SLC66A2: variants seen among roughly 807,000 people sequenced by gnomAD.
SLC66A2 encodes the protein solute carrier family 66 member 2, also known as PQ loop repeat containing 1.
In SLC66A2, 23 loss-of-function variants were observed where a neutral mutation model predicts 25.5. That is an observed-to-expected ratio of 0.90 (90% CI 0.65 to 1.28). SLC66A2 has a LOEUF of 1.28. SLC66A2 is among the 50% of genes most tolerant of loss of function. SLC66A2 has a pLI of 0.00. For synonymous variants in SLC66A2, 193 were observed against 166.5 expected (o/e 1.16, Z -1.23); for missense variants, 396 against 373.1 (o/e 1.06, Z -0.51).
chr18:79,950,790 G>T lies in SLC66A2; in HGVS notation c.137C>A (p.Ala46Asp), dbSNP rs1333416057. 6.2e-7 allele frequency: 1 copy of T among 1,613,084 alleles called. No homozygotes were observed. The highest frequency in any genetic ancestry group is 1.3e-5 in the African/African-American group (1 of 74,946). Residue 46 changes from alanine to aspartate, a missense_variant, in exon 2 of 6, where the codon GCC becomes GAC. Coordinates refer to ENST00000397778, the MANE Select transcript of SLC66A2 (RefSeq NM_025078.5). ...GCACACGTAGGTGGAGAAGCCGTCG[G>T]CGTTCTGCGTCCTGCGAATGTCCCG... is the stretch of plus-strand genomic sequence containing the variant. ...QYRDIRRTQN[A>D]DGFSTYVCLV... is the part of the protein sequence containing the mutation.
In SLC66A2 at chr18:79,940,810, G is replaced by T. The variant is rs769040332; in HGVS notation, c.337+2519C>A. Among the ~76,000 whole-genome samples, 1 of 152,182 alleles carries T rather than the reference G, an allele frequency of 6.6e-6. No individual in the cohort carries two copies. Among genetic ancestry groups the T allele is most frequent in the Admixed American group, 6.5e-5 (1 of 15,278 alleles). The stretch of plus-strand genomic sequence containing the variant: ...ACTCCAATATTAAGAGTGCTGCAGA[G>T]GTAAATCTTGAGAATTCTTTAACAC... On this transcript the variant is annotated intron_variant, in intron 3 of 5. Coordinates refer to ENST00000397778, the MANE Select transcript of SLC66A2 (RefSeq NM_025078.5). The surrounding 1 kb of genome is among the most constrained non-coding windows in gnomAD (Gnocchi z 4.1).
intron 4 of SLC66A2, among the ~76,000 whole-genome samples, chr18:79,929,617 G>T (rs973659093): frequency 6.6e-6 from 1 of 152,176 alleles, no homozygotes; most frequent in Admixed American, 6.5e-5. Flanking sequence ...AGAGGCACAG[G>T]TGTTGGACTC....
At chr18:79,922,563 A>T (rs1002745915) in intron 4 of SLC66A2, among the ~76,000 whole-genome samples, 11 of 152,084 alleles carry the variant, frequency 7.2e-5, no homozygotes, top group African/African-American at 2.7e-4. Context: ...GCACGATGTC[A>T]TTTGCTAGAT....
At chr18:79,934,400 A>G (rs1397418117) in intron 3 of SLC66A2, among the ~76,000 whole-genome samples, 3 of 152,254 alleles carry the variant, frequency 2.0e-5, no homozygotes, top group Non-Finnish European at 4.4e-5. Context: ...CTTTTCCTAG[A>G]AACTCATCTG....
intron 4 of SLC66A2, chr18:79,924,987 T>A (rs912104300): frequency 2.8e-4 from 43 of 152,002 alleles, no homozygotes; most frequent in African/African-American, 1.0e-3. Flanking sequence ...GGAAATGAGA[T>A]CTCTAAGTTC....
chr18:79,943,554 G>C (rs1987896105), intron 2 of SLC66A2, 92 bp from the exon 3 acceptor site: 1 of 1,485,482 alleles, frequency 6.7e-7, no homozygotes, highest in African/African-American at 1.4e-5. Flanking sequence ...GGTCAGGAGG[G>C]AGGCCCACCC....
Position 79,943,322 on chromosome 18 carries a change from C to T in SLC66A2, c.337+7G>A, listed in dbSNP as rs755036595. ...TGCGACTTTATTCCGAAGCGCCGGC[C>T]ACCAACCTGTAAAGGAGCGGCGCCT... On this transcript the variant is annotated splice_region_variant and intron_variant, in intron 3 of 5. Transcript: ENST00000397778. 148 of 1,613,470 alleles carry T rather than the reference C, an allele frequency of 9.2e-5. 1 individual carries two copies. The African/African-American group carries it at 1.7e-3, about 19-fold the overall frequency.
In SLC66A2 at chr18:79,903,632, C is replaced by G. The variant is rs1364434703; in HGVS notation, c.*344G>C. The G allele has an allele frequency of 3.1e-6, 1 of 324,708 alleles. No individual in the cohort carries two copies. Among genetic ancestry groups the G allele is most frequent in the Non-Finnish European group, 5.7e-6 (1 of 176,824 alleles). 20.1% of individuals were successfully genotyped at this position (324,708 alleles called of 1,614,324 possible). ...GGTTCGCGGCTGCTGGCCCGTGTGT[C>G]CACCTGGAGCAGGTTCCTGCAGGCC... On this transcript the variant is annotated 3_prime_UTR_variant, in exon 6 of 6. Coordinates refer to ENST00000397778, the MANE Select transcript of SLC66A2 (RefSeq NM_025078.5).
rs532958094 is a variant in SLC66A2, at chr18:79,905,918, A to G, written c.609-1735T>C. Among the ~76,000 whole-genome samples, 7 of 152,364 alleles carry G rather than the reference A, an allele frequency of 4.6e-5. No homozygotes were observed. The South Asian group carries it at 1.2e-3, about 27-fold the overall frequency. On this transcript the variant is annotated intron_variant, in intron 5 of 5. Coordinates refer to ENST00000397778, the MANE Select transcript of SLC66A2 (RefSeq NM_025078.5). Reference sequence around the variant, plus strand: ...ACACAATTTCTGGCTTCTCTGGAAAAAGAGCCTTTTCAGACTTTAGATTAT... The same window carrying G: ...ACACAATTTCTGGCTTCTCTGGAAAGAGAGCCTTTTCAGACTTTAGATTAT...
rs558272385 is a variant in SLC66A2, at chr18:79,950,900, G to A, written c.27C>T (p.Leu9=). The A allele has an allele frequency of 4.4e-6, 7 of 1,592,960 alleles. No individual in the cohort carries two copies. Among genetic ancestry groups the A allele is most frequent in the African/African-American group, 1.3e-5 (1 of 74,314 alleles). The change falls in exon 2 of 6, where the codon CTC becomes CTT. Residue 9 remains leucine, a synonymous_variant. Coordinates refer to ENST00000397778, the MANE Select transcript of SLC66A2 (RefSeq NM_025078.5). MEAEGLDW[L]LVPLHQLVSW... is the part of the protein sequence containing the mutation. ...ACACCAGCTGGTGCAGTGGCACCAG[G>A]AGCCAGTCCAGGCCCTCGGCCTCCA...
intron 3 of SLC66A2, among the ~76,000 whole-genome samples, chr18:79,939,619 G>A (rs778906952): frequency 2.6e-4 from 40 of 152,010 alleles, no homozygotes; most frequent in Admixed American, 9.8e-4. Flanking sequence ...GCCAACAAGC[G>A]TATGAAAAAA....
At chr18:79,930,576 C>T (rs1427300959) in intron 4 of SLC66A2, among the ~76,000 whole-genome samples, 1 of 152,152 alleles carries the variant, frequency 6.6e-6, no homozygotes. Flanking sequence ...TTCTCCTTTC[C>T]TCTCTTAGTT....
intron 4 of SLC66A2, among the ~76,000 whole-genome samples, chr18:79,922,375 G>A (rs1325068119): frequency 6.6e-6 from 1 of 151,486 alleles, no homozygotes; most frequent in Non-Finnish European, 1.5e-5. Flanking sequence ...TGGATCTGAC[G>A]CCTGGGTTAG....
chr18:79,925,585 TCA>T (rs1006912067), intron 4 of SLC66A2, among the ~76,000 whole-genome samples: 11 of 152,192 alleles, frequency 7.2e-5, no homozygotes, highest in African/African-American at 2.2e-4. Context: ...TGCCCTCAAC[TCA>T]CAGACAGATC....
intron 5 of SLC66A2, among the ~76,000 whole-genome samples, chr18:79,912,000 GGCAGCAGGGAGAGGACA>G (rs1302862045): frequency 6.4e-5 from 9 of 140,690 alleles, no homozygotes; most frequent in Middle Eastern, 4.1e-3. Context: ...GCAGAGGGGA[GGCAGCAGGGAGAGGACA>G]GCAGCAGGAA....
intron 5 of SLC66A2, among the ~76,000 whole-genome samples, chr18:79,905,870 A>AAC (rs751958644): frequency 3.9e-5 from 6 of 152,276 alleles, no homozygotes; most frequent in East Asian, 1.9e-4. Context: ...TAACTCTGTA[A>AAC]ACACACACAC....
rs1425130598 is a variant in SLC66A2 at position 79,927,177 on chromosome 18, T to C, written c.391+6792A>G. Among the ~76,000 whole-genome samples, 1 of 152,208 alleles carries C rather than the reference T, an allele frequency of 6.6e-6. No individual in the cohort carries two copies. The highest frequency in any genetic ancestry group is 1.5e-5 in the Non-Finnish European group (1 of 68,042). On this transcript the variant is annotated intron_variant, in intron 4 of 5. Transcript: ENST00000397778. The surrounding 1 kb of genome is among the most constrained non-coding windows in gnomAD (Gnocchi z 6.2). Reference sequence around the variant, plus strand: ...CAGCTGAGCAGGCAGAGCCTGTCCTTGGAAACGGCCCGGCCACCTGGGAGG... The same window carrying C: ...CAGCTGAGCAGGCAGAGCCTGTCCTCGGAAACGGCCCGGCCACCTGGGAGG...
At chr18:79,916,516 TG>T (rs1207486624) in intron 5 of SLC66A2, among the ~76,000 whole-genome samples, 5 of 152,236 alleles carry the variant, frequency 3.3e-5, no homozygotes, top group Admixed American at 2.6e-4. Context: ...CAGACCCTGC[TG>T]GGTTCACGTC....
In SLC66A2 at chr18:79,903,666, T is replaced by C; in HGVS notation, c.*310A>G. On this transcript the variant is annotated 3_prime_UTR_variant, in exon 6 of 6. Coordinates refer to ENST00000397778, the MANE Select transcript of SLC66A2 (RefSeq NM_025078.5). ...GCAGGTTCCTGCAGGCCGCCCAATG[T>C]GTACCTTGGGCTCAGACGGTGTTTC... 1 of 388,188 alleles carries C rather than the reference T, an allele frequency of 2.6e-6. No individual in the cohort carries two copies. Among genetic ancestry groups the C allele is most frequent in the Non-Finnish European group, 4.6e-6 (1 of 216,642 alleles). The allele number at this position is 388,188 out of a possible 1,614,324, so 24.0% of individuals were successfully genotyped here. A position where few individuals can be genotyped will look rare whatever the true frequency, so the allele number is the denominator to read the frequency against.
Sources: allele counts gnomAD v4.1 joint callset (sites outside exome capture counted in the v4.1 genomes callset), GRCh38; gene constraint gnomAD v4.1.1; non-coding constraint Gnocchi (gnomAD v3.1); transcripts MANE v1.5; gene names NCBI Gene and HGNC (gene_info 2026-07-23, HGNC 2026-07-21).